The following DCHS1 variants were observed in gnomAD, a reference collection of about 807,000 sequenced individuals.
DCHS1 encodes dachsous cadherin-related 1.
DCHS1 carries 78 observed loss-of-function variants against 213.9 expected under a neutral mutation model. That is an observed-to-expected ratio of 0.36 (90% CI 0.30 to 0.44). The LOEUF (loss-of-function observed/expected upper bound fraction) is 0.44. Ranked by LOEUF, DCHS1 falls within the 20% of genes least tolerant of loss-of-function variation. The pLI, the probability that DCHS1 is intolerant of heterozygous loss-of-function variation, is 1.00. For synonymous variants in DCHS1, 1,828 were observed against 1,873.7 expected, an observed-to-expected ratio of 0.98 and a Z score of 0.63; for missense variants, 3,946 against 4,395.9, an observed-to-expected ratio of 0.90 and a Z score of 2.89.
intron 1 of DCHS1, among the ~76,000 whole-genome samples, chr11:6,642,508 C>T (rs1856094221): frequency 6.6e-6 from 1 of 151,992 alleles, no homozygotes; most frequent in Non-Finnish European, 1.5e-5. Flanking sequence ...TAGGTGCTAG[C>T]TAGGCAATGG....
intron 3 of DCHS1, 40 bp downstream of exon 3, chr11:6,634,078 T>C (rs1409803705): frequency 2.5e-6 from 4 of 1,599,706 alleles, no homozygotes; most frequent in Middle Eastern, 1.7e-4. Context: ...GTGAGTGCCC[T>C]ACCCCAACAT....
Position 6,623,806 on chromosome 11 carries a change from C to T in DCHS1, c.7870G>A (p.Val2624Ile), listed in dbSNP as rs1181105846. The change falls in exon 21 of 21, where the codon GTA (valine) becomes ATA (isoleucine). Residue 2624 changes from valine (V) to isoleucine (I), a missense_variant. By Grantham distance (29) the Val-to-Ile change is conservative. This residue lies in a region of DCHS1 where 3,384 missense variants were observed against 3,780.1 expected (regional missense o/e 0.90). Coordinates refer to ENST00000299441, the MANE Select transcript of DCHS1 (RefSeq NM_003737.4). Reference sequence around the variant, plus strand: ...CCAGGGTCAGCGTCAGAGGCCTCTACATGCAGCAGCTCAGCTCCAACAGGT... The same window carrying T: ...CCAGGGTCAGCGTCAGAGGCCTCTATATGCAGCAGCTCAGCTCCAACAGGT... ...DTPVGAELLHVEASDADPGPH... is the reference protein window; with the variant it reads ...DTPVGAELLHIEASDADPGPH... The T allele has an allele frequency of 1.1e-5, 18 of 1,613,804 alleles. No homozygotes were observed. The highest frequency in any genetic ancestry group is 1.4e-5 in the Non-Finnish European group (17 of 1,179,822).
Position 6,622,868 on chromosome 11 carries a change from TAGC to T in DCHS1, c.8805_8807del (p.Leu2937del). 6.3e-7 allele frequency: 1 copy of T among 1,597,038 alleles called. No homozygotes were observed. Among genetic ancestry groups the T allele is most frequent in the Non-Finnish European group, 8.5e-7 (1 of 1,171,952 alleles). On this transcript the variant is annotated inframe_deletion, in exon 21 of 21. Coordinates refer to ENST00000299441, the MANE Select transcript of DCHS1 (RefSeq NM_003737.4). This position sits in a 1 kb window ranked among gnomAD's most constrained non-coding sequence, Gnocchi z 5.4. ...AGGAGGCTGCCACGGCCCCTACTAA[TAGC>T]AGGTTGAGGTCAGGTGCCAGGCCCA...
In DCHS1 at chr11:6,623,110, A is replaced by G. The variant is rs1263277173; in HGVS notation, c.8566T>C (p.Ser2856Pro). The change falls in exon 21 of 21, where the codon TCC becomes CCC. Residue 2856 changes from serine to proline, a missense_variant. This residue lies in a region of DCHS1 where 554 missense variants were observed against 590.2 expected (regional missense o/e 0.94). Coordinates refer to ENST00000299441, the MANE Select transcript of DCHS1 (RefSeq NM_003737.4). ...GLVLYSLATS[S>P]PYFGINQTTG... Reference sequence around the variant, plus strand: ...GTCTGGTTAATACCAAAATAGGGGGAAGAGGTGGCAAGGGAATACAGAACC... The same window carrying G: ...GTCTGGTTAATACCAAAATAGGGGGGAGAGGTGGCAAGGGAATACAGAACC... The G allele has an allele frequency of 1.2e-6, 2 of 1,605,036 alleles. No individual in the cohort carries two copies. The highest frequency in any genetic ancestry group is 1.7e-6 in the Non-Finnish European group (2 of 1,175,736).
chr11:6,648,295 G>A (rs187783836), intron 1 of DCHS1, among the ~76,000 whole-genome samples: 1 of 152,322 alleles, frequency 6.6e-6, no homozygotes, highest in Admixed American at 6.5e-5. Flanking sequence ...ACATTAAGCA[G>A]TAGGTTGAAG....
intron 9 of DCHS1, 25 bp from the exon 10 acceptor site, chr11:6,630,888 C>A: frequency 6.7e-7 from 1 of 1,503,338 alleles, no homozygotes; most frequent in Non-Finnish European, 8.9e-7. Flanking sequence ...GGAGGGAGAA[C>A]AGAATTGTGA....
intron 1 of DCHS1, among the ~76,000 whole-genome samples, chr11:6,647,258 G>A (rs2134655049): frequency 6.6e-6 from 1 of 152,318 alleles, no homozygotes; most frequent in South Asian, 2.1e-4. Context: ...GTATGGCAGA[G>A]GAAAGAGGGA....
chr11:6,635,598 C>G (rs1341234799), intron 2 of DCHS1, among the ~76,000 whole-genome samples: 1 of 152,308 alleles, frequency 6.6e-6, no homozygotes, highest in East Asian at 1.9e-4. Flanking sequence ...ATTGTTTACC[C>G]TCCTGAGAGA....
Position 6,641,493 on chromosome 11 carries a change from A to G in DCHS1, c.121T>C (p.Trp41Arg). The change falls in exon 2 of 21, where the codon TGG becomes CGG. Residue 41 changes from tryptophan to arginine, a missense_variant. This residue lies in a region of DCHS1 where 3,384 missense variants were observed against 3,780.1 expected (regional missense o/e 0.90). Transcript: ENST00000299441. This position sits in a 1 kb window ranked among gnomAD's most constrained non-coding sequence, Gnocchi z 7.1. ...LLLGAGVPGA[W>R]GQAGSLDLQI... The stretch of plus-strand genomic sequence containing the variant: ...AAGTCCAGGCTCCCAGCCTGACCCC[A>G]GGCACCTGGCACCCCAGCCCCCAGC... The G allele has an allele frequency of 6.4e-7, 1 of 1,566,802 alleles. No homozygotes were observed. The highest frequency in any genetic ancestry group is 1.2e-5 in the South Asian group (1 of 85,930).
At position 6,625,210 on chromosome 11, in the gene DCHS1, C is replaced by G; in HGVS notation, c.7134G>C (p.Gln2378His). 6.3e-7 allele frequency: 1 copy of G among 1,595,040 alleles called. No individual in the cohort carries two copies. The change falls in exon 19 of 21, where the codon CAG (glutamine) becomes CAC (histidine). Residue 2378 changes from glutamine (Q) to histidine (H), a missense_variant. By Grantham distance (24) the Gln-to-His change is conservative. Transcript: ENST00000299441. The surrounding 1 kb of genome is among the most constrained non-coding windows in gnomAD (Gnocchi z 5.3). The part of the protein sequence containing the change: ...DVNDNAPAFS[Q>H]SLYQVMLLEH... ...TGGGTGTCAATACCTGGTAGAGGCT[C>G]TGTGAGAAGGCAGGTGCATTGTCAT... is the stretch of plus-strand genomic sequence containing the variant.
chr11:6,633,572 T>C lies in DCHS1; in HGVS notation c.2295A>G (p.Gly765=). 6.3e-7 allele frequency: 1 copy of C among 1,593,014 alleles called. No homozygotes were observed. ...VVQLEIGAED[G]GGLQAEPSAR... ...CACTGGGTTCTGCCTGTAGGCCACC[T>C]CCGTCCTCAGCCCCGATCTCCAGCT... The change falls in exon 5 of 21, where the codon GGA becomes GGG. Residue 765 remains glycine (G), a synonymous_variant. Transcript: ENST00000299441.
intron 6 of DCHS1, 68 bp from the exon 7 acceptor site, chr11:6,631,877 G>T (rs1855913906): frequency 1.7e-5 from 25 of 1,471,444 alleles, no homozygotes; most frequent in Non-Finnish European, 2.2e-5. Context: ...CTGCACCTAA[G>T]AAGCTGGTGT....
intron 1 of DCHS1, among the ~76,000 whole-genome samples, chr11:6,650,988 G>GT (rs1196496845): frequency 6.6e-6 from 1 of 152,208 alleles, no homozygotes; most frequent in Non-Finnish European, 1.5e-5. Context: ...CTGAGACTAG[G>GT]TGTCAGTCTT....
chr11:6,634,347 C>T, intron 2 of DCHS1, 41 bp from the exon 3 acceptor site: 4 of 1,521,692 alleles, frequency 2.6e-6, no homozygotes, highest in South Asian at 1.3e-5. Context: ...CTCTTCTTTG[C>T]CAGAAAAGCC....
In DCHS1 at chr11:6,630,435, T is replaced by C. The variant is rs775699777; in HGVS notation, c.4359A>G (p.Ala1453=). The change falls in exon 10 of 21, where the codon GCA becomes GCG. Residue 1453 remains alanine, a synonymous_variant. Transcript: ENST00000299441. The part of the protein sequence containing the change: ...LALPENPEPG[A]ALYTFRASDA... ...CCGACGCGCGGAAAGTGTACAGCGC[T>C]GCGCCGGGCTCCGGGTTCTCTGGCA... 13 of 1,502,202 alleles carry C rather than the reference T, an allele frequency of 8.7e-6. No homozygotes were observed. The Admixed American group carries it at 2.7e-4, about 31-fold the overall frequency. 93.1% of individuals were successfully genotyped at this position (1,502,202 alleles called of 1,614,324 possible).
In DCHS1 at chr11:6,626,365, C is replaced by G; in HGVS notation, c.6380G>C (p.Arg2127Pro). 1 of 1,613,312 alleles carries G rather than the reference C, an allele frequency of 6.2e-7. No homozygotes were observed. Among genetic ancestry groups the G allele is most frequent in the Non-Finnish European group, 8.5e-7 (1 of 1,179,614 alleles). Residue 2127 changes from arginine (R) to proline (P), a missense_variant, in exon 16 of 21, where the codon CGC (arginine) becomes CCC (proline). Physicochemically the swap from Arg to Pro is moderately radical, Grantham distance 103. This residue lies in a region of DCHS1 where 3,384 missense variants were observed against 3,780.1 expected (regional missense o/e 0.90). Coordinates refer to ENST00000299441, the MANE Select transcript of DCHS1 (RefSeq NM_003737.4). This position sits in a 1 kb window ranked among gnomAD's most constrained non-coding sequence, Gnocchi z 5.2. ...CTCGAAGTCTAGCCCCTCTGCTGAG[C>G]GAACTGTGATGGCACCTGGGCGAGA... Reference protein sequence around the residue: ...IQPSTGAITVRSAEGLDFEVS... With the variant: ...IQPSTGAITVPSAEGLDFEVS...
rs1855817272 is a variant in DCHS1, at chr11:6,627,051, A to G, written c.5988T>C (p.Asn1996=). 2 of 1,613,462 alleles carry G rather than the reference A, an allele frequency of 1.2e-6. No homozygotes were observed. The highest frequency in any genetic ancestry group is 1.3e-5 in the African/African-American group (1 of 74,910). Residue 1996 remains asparagine (N), a synonymous_variant, in exon 14 of 21, where the codon AAT becomes AAC. Transcript: ENST00000299441. The surrounding 1 kb of genome is among the most constrained non-coding windows in gnomAD (Gnocchi z 5.4). ...LRAEDRDAGA[N]ASILYRLAGT... ...CTGCCAGCCGGTACAGAATGGAAGC[A>G]TTGGCACCAGCATCACGATCTTCAG...
chr11:6,634,294 C>T lies in DCHS1; in HGVS notation c.1810G>A (p.Asp604Asn). ...AGGCCAAATGGGCCACTATCCGCGT[C>T]TGTGGCTGTCACCTAGGGAGAGGCT... ...GTCFLQVTAT[D>N]ADSGPFGLLS... The change falls in exon 3 of 21, where the codon GAC becomes AAC. Residue 604 changes from aspartate to asparagine, a missense_variant. Asp to Asn is a conservative substitution (Grantham distance 23). Coordinates refer to ENST00000299441, the MANE Select transcript of DCHS1 (RefSeq NM_003737.4). The T allele has an allele frequency of 6.2e-7, 1 of 1,600,742 alleles. No homozygotes were observed. Among genetic ancestry groups the T allele is most frequent in the Non-Finnish European group, 8.5e-7 (1 of 1,171,854 alleles).
rs181222583 is a variant in DCHS1 at position 6,629,606 on chromosome 11, A to T, written c.5036-29T>A. 175 of 1,613,400 alleles carry T rather than the reference A, an allele frequency of 1.1e-4. 1 individual carries two copies. The East Asian group carries it at 3.7e-3, about 34-fold the overall frequency. On this transcript the variant is annotated intron_variant, in intron 11 of 20. Coordinates refer to ENST00000299441, the MANE Select transcript of DCHS1 (RefSeq NM_003737.4). ...AGGAGGGGCAGCATGGAGGGCGATC[A>T]GAGGGTAAAAATGCTGTTTCTTGCC...
Sources: allele counts gnomAD v4.1 joint callset (sites outside exome capture counted in the v4.1 genomes callset), GRCh38; gene constraint gnomAD v4.1.1; regional missense constraint gnomAD v4.1.1; non-coding constraint Gnocchi (gnomAD v3.1); transcripts MANE v1.5; gene names NCBI Gene and HGNC (gene_info 2026-07-23, HGNC 2026-07-21).